The following TIAM1 variants were observed in gnomAD, a reference collection of about 807,000 sequenced individuals.
TIAM1 encodes rho guanine nucleotide exchange factor TIAM1.
In TIAM1, 65 loss-of-function variants were observed where a neutral mutation model predicts 163.5. The observed-to-expected ratio is 0.40, with a 90% CI of 0.33 to 0.49. The LOEUF is 0.49. TIAM1 is among the 20% of genes least tolerant of loss of function. TIAM1 has a pLI of 0.77. For synonymous variants in TIAM1, 833 were observed against 810.1 expected, an observed-to-expected ratio of 1.03 and a Z score of -0.48; for missense variants, 1,789 against 2,044.7, an observed-to-expected ratio of 0.87 and a Z score of 2.41.
intron 2 of TIAM1, among the ~76,000 whole-genome samples, chr21:31,314,476 T>A (rs1385926713): frequency 6.6e-6 from 1 of 152,184 alleles, no homozygotes; most frequent in Non-Finnish European, 1.5e-5. Flanking sequence ...TTCTTTAAAT[T>A]GCTCCCACTG....
intron 1 of TIAM1, among the ~76,000 whole-genome samples, chr21:31,526,231 C>T (rs1451127916): frequency 1.3e-5 from 2 of 152,004 alleles, no homozygotes; most frequent in Admixed American, 6.6e-5. Context: ...GTCTTCACAG[C>T]AGGAGACTGA....
intron 1 of TIAM1, among the ~76,000 whole-genome samples, chr21:31,538,788 G>A (rs1197163135): frequency 6.6e-6 from 1 of 152,234 alleles, no homozygotes; most frequent in Admixed American, 6.5e-5. Context: ...AGCAAGCGGG[G>A]AGGGGTCCCT....
chr21:31,266,074 C>G lies in TIAM1; in HGVS notation c.899G>C (p.Gly300Ala), dbSNP rs1569131862. 1.9e-6 allele frequency: 3 copies of G among 1,614,078 alleles called. No homozygotes were observed. In the South Asian group the frequency reaches 3.3e-5, roughly 18 times the overall value. ...PCRKSHCLSEGATNPQISHSN... is the reference protein window; with the variant it reads ...PCRKSHCLSEAATNPQISHSN... ...ATGGCTAATTTGTGGGTTGGTGGCA[C>G]CTTCAGAGAGACAGTGAGATTTCCT... is the stretch of plus-strand genomic sequence containing the variant. The change falls in exon 4 of 28, where the codon GGT (glycine) becomes GCT (alanine). Residue 300 changes from glycine (G) to alanine (A), a missense_variant. Around this residue, in one of 5 missense-constraint regions of TIAM1, gnomAD observed 555 missense variants for 564.9 expected, o/e 0.98. Coordinates refer to ENST00000541036, the MANE Select transcript of TIAM1 (RefSeq NM_001353694.2).
At chr21:31,462,743 T>TGG (rs1260991189) in intron 2 of TIAM1, among the ~76,000 whole-genome samples, 4 of 64,004 alleles carry the variant, frequency 6.2e-5, no homozygotes, top group Admixed American at 2.2e-4. Flanking sequence ...TTTGTTTTTT[T>TGG]TTTTTGTTTT....
At chr21:31,447,565 T>G (rs894537199) in intron 2 of TIAM1, among the ~76,000 whole-genome samples, 1 of 151,596 alleles carries the variant, frequency 6.6e-6, no homozygotes, top group African/African-American at 2.4e-5. Context: ...AATATGAGAG[T>G]GATCTGAATG....
At chr21:31,439,655 C>T (rs2044349087) in intron 2 of TIAM1, among the ~76,000 whole-genome samples, 1 of 151,814 alleles carries the variant, frequency 6.6e-6, no homozygotes, top group Non-Finnish European at 1.5e-5. Flanking sequence ...GAAGAAACTA[C>T]AGTTGACCAG....
At chr21:31,127,412 CT>C (rs199978005) in intron 25 of TIAM1, among the ~76,000 whole-genome samples, 38,288 of 140,568 alleles carry the variant, frequency 0.27, 4,439 homozygotes, top group East Asian at 0.41. Context: ...ATGGACCGAA[CT>C]TTTTTTTTTT....
At chr21:31,182,077 G>A (rs67500730) in intron 15 of TIAM1, among the ~76,000 whole-genome samples, 15,746 of 151,332 alleles carry the variant, frequency 0.1, 976 homozygotes, top group Admixed American at 0.21. Flanking sequence ...GCCACCACAC[G>A]TGGCCCAATT....
intron 3 of TIAM1, among the ~76,000 whole-genome samples, chr21:31,276,339 G>A (rs2073298681): frequency 6.6e-6 from 1 of 152,164 alleles, no homozygotes; most frequent in South Asian, 2.1e-4. Context: ...TATTTTGACT[G>A]TGTTTATTTT....
At position 31,290,646 on chromosome 21, in the gene TIAM1, CAAAAAAAAAAAAA is replaced by C. The variant is rs200030849; in HGVS notation, c.-188-13751_-188-13739del. ...CCGGTAACAGAGCAAGACTCTATCTCAAAAAAAAAAAAAAAAAAAAAAAAAAAAAAAATTAGCA... is the reference window on the plus strand; with the variant it reads ...CCGGTAACAGAGCAAGACTCTATCTCAAAAAAAAAAAAAAAAAAATTAGCA... On this transcript the variant is annotated intron_variant, in intron 2 of 27. Coordinates refer to ENST00000541036, the MANE Select transcript of TIAM1 (RefSeq NM_001353694.2). 7.5e-3 allele frequency among the ~76,000 whole-genome samples: 477 copies of C among 63,214 alleles called. 2 individuals carry two copies. The highest frequency in any genetic ancestry group is 0.019 in the South Asian group (44 of 2,280). The allele number at this position is 63,214 out of a possible 152,430, so 41.5% of individuals were successfully genotyped here. A position where few individuals can be genotyped will look rare whatever the true frequency, so the allele number is the denominator to read the frequency against.
intron 1 of TIAM1, among the ~76,000 whole-genome samples, chr21:31,505,631 C>CA (rs2046998536): frequency 6.6e-6 from 1 of 152,072 alleles, no homozygotes; most frequent in Non-Finnish European, 1.5e-5. Context: ...TCAGCATTAC[C>CA]GTCTTAGATG....
chr21:31,254,588 C>T (rs751670069), intron 4 of TIAM1, among the ~76,000 whole-genome samples: 4 of 152,108 alleles, frequency 2.6e-5, no homozygotes, highest in Non-Finnish European at 5.9e-5. Context: ...CCCAGCTACT[C>T]GGGAGGTTGA....
chr21:31,324,548 G>T (rs557037890), intron 2 of TIAM1, among the ~76,000 whole-genome samples: 1 of 152,194 alleles, frequency 6.6e-6, no homozygotes, highest in Non-Finnish European at 1.5e-5. Flanking sequence ...AAAGCACAGA[G>T]AACTCAGGCA....
At chr21:31,316,388 C>T (rs845966) in intron 2 of TIAM1, among the ~76,000 whole-genome samples, 2 of 151,966 alleles carry the variant, frequency 1.3e-5, no homozygotes, top group Admixed American at 1.3e-4. Context: ...ACAATGGTGA[C>T]ATGTAGCCAC....
chr21:31,346,571 C>G (rs1297137301), upstream of TIAM1, among the ~76,000 whole-genome samples: 2 of 152,174 alleles, frequency 1.3e-5, no homozygotes, highest in Non-Finnish European at 2.9e-5. Flanking sequence ...TCGCGTACTT[C>G]GGGGAAGCCG....
intron 2 of TIAM1, among the ~76,000 whole-genome samples, chr21:31,460,518 T>G (rs549287217): frequency 6.6e-6 from 1 of 152,266 alleles, no homozygotes; most frequent in African/African-American, 2.4e-5. Flanking sequence ...TCCCAGCTAC[T>G]CGAGAGGCTG....
chr21:31,209,961 G>C, intron 11 of TIAM1, 84 bp downstream of exon 11: 1 of 1,465,144 alleles, frequency 6.8e-7, no homozygotes, highest in Non-Finnish European at 9.2e-7. Flanking sequence ...CTCCCACACG[G>C]CTCTGGGTTT....
At chr21:31,251,330 G>C (rs1227307860) in intron 5 of TIAM1, among the ~76,000 whole-genome samples, 1 of 152,154 alleles carries the variant, frequency 6.6e-6, no homozygotes, top group African/African-American at 2.4e-5. Flanking sequence ...TTTCACTTAA[G>C]TCACATGAAT....
intron 2 of TIAM1, among the ~76,000 whole-genome samples, chr21:31,438,179 CTTTTTTT>C (rs34844399): frequency 8.5e-4 from 53 of 62,710 alleles, no homozygotes; most frequent in African/African-American, 3.1e-3. Flanking sequence ...TATTTGTGAT[CTTTTTTT>C]TTTTTTTTTT....
Sources: allele counts gnomAD v4.1 joint callset (sites outside exome capture counted in the v4.1 genomes callset), GRCh38; gene constraint gnomAD v4.1.1; regional missense constraint gnomAD v4.1.1; transcripts MANE v1.5; gene names NCBI Gene and HGNC (gene_info 2026-07-23, HGNC 2026-07-21).